CRB1: variants seen among roughly 807,000 people sequenced by gnomAD.
The protein encoded by CRB1 is protein crumbs homolog 1.
A neutral mutation model predicts 120.0 loss-of-function variants in CRB1; 83 were observed. The ratio of observed to expected loss-of-function variants is 0.69; its 90% confidence interval spans 0.58 to 0.83. CRB1 has a LOEUF of 0.83. CRB1 is among the 40% of genes least tolerant of loss of function. The pLI is 0.00. For missense variants in CRB1, 1,699 were observed against 1,687.6 expected, an observed-to-expected ratio of 1.01 and a Z score of -0.12; for synonymous variants, 625 against 612.5, an observed-to-expected ratio of 1.02 and a Z score of -0.30.
intron 4 of CRB1, among the ~76,000 whole-genome samples, chr1:197,347,693 A>T (rs1163832740): frequency 6.6e-6 from 1 of 152,210 alleles, no homozygotes; most frequent in Non-Finnish European, 1.5e-5. Context: ...CAATGATCAT[A>T]ACCCTCTAGA....
intron 11 of CRB1, among the ~76,000 whole-genome samples, chr1:197,463,496 G>T (rs886675279): frequency 1.3e-5 from 2 of 152,156 alleles, no homozygotes; most frequent in Non-Finnish European, 2.9e-5. Context: ...CTGCAGATAT[G>T]CCAACTAAGG....
At chr1:197,453,843 A>T (rs996817526) in intron 11 of CRB1, among the ~76,000 whole-genome samples, 7 of 142,020 alleles carry the variant, frequency 4.9e-5, no homozygotes, top group African/African-American at 1.3e-4. Flanking sequence ...TATATTATCA[A>T]TATTATTATT....
rs193134757 is a variant in CRB1 at position 197,432,328 on chromosome 1, C to A, written c.2843-2378C>A. ...TGAAACACTTGTTGCTCTTTTTTTC[C>A]CTAAATTCCCAACTCCAAACCTGGT... On this transcript the variant is annotated intron_variant, in intron 8 of 11. Transcript: ENST00000367400. Among the ~76,000 whole-genome samples the A allele has an allele frequency of 2.1e-5, 3 of 145,620 alleles. No homozygotes were observed. The East Asian group carries it at 6.2e-4, about 30-fold the overall frequency.
At chr1:197,281,034 A>C (rs1315445078) in intron 1 of CRB1, among the ~76,000 whole-genome samples, 2 of 151,910 alleles carry the variant, frequency 1.3e-5, no homozygotes, top group African/African-American at 2.4e-5. Context: ...AGGACCAAAA[A>C]ATCAATTTAA....
chr1:197,327,801 C>T (rs970993785), intron 1 of CRB1, among the ~76,000 whole-genome samples: 1 of 152,302 alleles, frequency 6.6e-6, no homozygotes, highest in East Asian at 1.9e-4. Context: ...TCTGACTGGG[C>T]TCCAAGGGAC....
chr1:197,398,404 C>G (rs1435170376), intron 5 of CRB1, among the ~76,000 whole-genome samples: 1 of 151,996 alleles, frequency 6.6e-6, no homozygotes, highest in East Asian at 1.9e-4. Context: ...ACCTTTGTAT[C>G]AATTGGAAGA....
At chr1:197,425,096 C>T (rs1196827472) in intron 6 of CRB1, among the ~76,000 whole-genome samples, 1 of 152,136 alleles carries the variant, frequency 6.6e-6, no homozygotes, top group African/African-American at 2.4e-5. Flanking sequence ...CAGCAGGCAC[C>T]CCGCTACCCC....
the CRB1 span, among the ~76,000 whole-genome samples, chr1:197,246,169 G>T: frequency 3.0e-4 from 45 of 152,036 alleles, no homozygotes; most frequent in African/African-American, 1.0e-3. Context: ...CAGCAGGAAA[G>T]TTAGGGTAAC....
chr1:197,233,017 G>C, the CRB1 span, among the ~76,000 whole-genome samples: 1 of 151,824 alleles, frequency 6.6e-6, no homozygotes, highest in South Asian at 2.1e-4. Context: ...GTTTAAATGG[G>C]CATACTTGAT....
At chr1:197,358,276 T>C (rs1035603409) in intron 5 of CRB1, 3 of 152,268 alleles carry the variant, frequency 2.0e-5, no homozygotes, top group Non-Finnish European at 4.4e-5. Flanking sequence ...TTTCGTCAGC[T>C]ACTTTATATT....
chr1:197,313,941 G>A (rs1003986318), intron 1 of CRB1, among the ~76,000 whole-genome samples: 1 of 152,142 alleles, frequency 6.6e-6, no homozygotes. Flanking sequence ...TTGTAGGTCT[G>A]GTTAAATTTT....
intron 9 of CRB1, among the ~76,000 whole-genome samples, chr1:197,435,960 A>G (rs142883185): frequency 0.014 from 2,122 of 152,278 alleles, 45 homozygotes; most frequent in Non-Finnish European, 0.015. Flanking sequence ...TAGTATTGTT[A>G]GGGAAGGCAT....
At chr1:197,252,582 A>ATGTGTGTGTG in the CRB1 span, among the ~76,000 whole-genome samples, 516 of 15,434 alleles carry the variant, frequency 0.033, 36 homozygotes, top group Non-Finnish European at 0.046. Flanking sequence ...ATATATATAT[A>ATGTGTGTGTG]TGTGTGTGTG....
chr1:197,213,574 C>T, the CRB1 span, among the ~76,000 whole-genome samples: 1 of 152,254 alleles, frequency 6.6e-6, no homozygotes, highest in African/African-American at 2.4e-5. Flanking sequence ...AATCAATCAC[C>T]AATCATAAGA....
rs539288388 is a variant in CRB1, at chr1:197,387,346, A to G, written c.1171+30333A>G. ...TAGCTAATGTAGCTACATTCAGCAA[A>G]TATAGCTAATCAGGAACTTAATTCT... On this transcript the variant is annotated intron_variant, in intron 5 of 11. Transcript: ENST00000367400. Among the ~76,000 whole-genome samples, 32 of 152,274 alleles carry G rather than the reference A, an allele frequency of 2.1e-4. No homozygotes were observed. The East Asian group carries it at 6.2e-3, about 29-fold the overall frequency.
chr1:197,267,739 A>G (rs1654686982), upstream of CRB1, among the ~76,000 whole-genome samples: 1 of 152,234 alleles, frequency 6.6e-6, no homozygotes, highest in African/African-American at 2.4e-5. Flanking sequence ...GTAAAACAAA[A>G]GCTCAAGAAA....
intron 5 of CRB1, among the ~76,000 whole-genome samples, chr1:197,389,856 A>T (rs946723503): frequency 4.6e-5 from 7 of 151,886 alleles, no homozygotes; most frequent in African/African-American, 1.7e-4. Flanking sequence ...AGTCTTGAAA[A>T]CTTAGTTTTC....
At chr1:197,453,852 TTAA>T (rs1666121000) in intron 11 of CRB1, among the ~76,000 whole-genome samples, 1 of 141,950 alleles carries the variant, frequency 7.0e-6, no homozygotes, top group Non-Finnish European at 1.5e-5. Flanking sequence ...AATATTATTA[TTAA>T]TATATATTAA....
At chr1:197,232,710 G>A in the CRB1 span, among the ~76,000 whole-genome samples, 2 of 152,040 alleles carry the variant, frequency 1.3e-5, no homozygotes, top group African/African-American at 2.4e-5. Flanking sequence ...AACAAAAAGG[G>A]CTCTTAGAAA....
Sources: allele counts gnomAD v4.1 joint callset (sites outside exome capture counted in the v4.1 genomes callset), GRCh38; gene constraint gnomAD v4.1.1; transcripts MANE v1.5; gene names NCBI Gene and HGNC (gene_info 2026-07-23, HGNC 2026-07-21).